The following SUPT3H variants were observed in gnomAD, a reference collection of about 807,000 sequenced individuals.
SUPT3H encodes the protein transcription initiation protein SPT3 homolog.
A neutral mutation model predicts 44.3 loss-of-function variants in SUPT3H; 44 were observed. The ratio of observed to expected loss-of-function variants is 0.99; its 90% CI spans 0.78 to 1.28. The LOEUF is 1.28. SUPT3H is among the 50% of genes most tolerant of loss of function. The probability of loss-of-function intolerance (pLI) is 0.00; values close to 1 mark genes in which losing one functional copy is unlikely to be tolerated. For missense variants in SUPT3H, 380 were observed against 387.1 expected, an observed-to-expected ratio of 0.98 and a Z score of 0.15; for synonymous variants, 124 against 125.6, an observed-to-expected ratio of 0.99 and a Z score of 0.09.
At chr6:45,285,579 C>G (rs2149827851) in intron 2 of SUPT3H, among the ~76,000 whole-genome samples, 1 of 152,036 alleles carries the variant, frequency 6.6e-6, no homozygotes, top group African/African-American at 2.4e-5. Context: ...AACCACTGCT[C>G]AATGAAATAA....
chr6:44,993,759 TAATTTCATA>T (rs1313259605), intron 6 of SUPT3H, among the ~76,000 whole-genome samples: 1 of 152,186 alleles, frequency 6.6e-6, no homozygotes, highest in Non-Finnish European at 1.5e-5. Context: ...CCCTTCAGAA[TAATTTCATA>T]AGTATTTTGA....
chr6:45,260,582 T>A (rs1236270245), intron 2 of SUPT3H, among the ~76,000 whole-genome samples: 1 of 152,008 alleles, frequency 6.6e-6, no homozygotes, highest in South Asian at 2.1e-4. Context: ...TCTCATAACA[T>A]AGATTATCTT....
chr6:45,128,939 G>A (rs1732625165), intron 2 of SUPT3H, among the ~76,000 whole-genome samples: 1 of 152,124 alleles, frequency 6.6e-6, no homozygotes, highest in African/African-American at 2.4e-5. Flanking sequence ...GCCTGCCTCG[G>A]CCTCCCAAAG....
chr6:45,126,135 T>C (rs933830484), intron 2 of SUPT3H, among the ~76,000 whole-genome samples: 7 of 152,184 alleles, frequency 4.6e-5, no homozygotes, highest in African/African-American at 1.4e-4. Flanking sequence ...ACTGAAAACT[T>C]GCACTAAACT....
intron 3 of SUPT3H, among the ~76,000 whole-genome samples, chr6:45,066,071 G>A (rs1793247020): frequency 7.6e-6 from 1 of 131,752 alleles, no homozygotes; most frequent in Non-Finnish European, 1.6e-5. Flanking sequence ...ATAAAATACT[G>A]GCAAAACGAA....
intron 2 of SUPT3H, among the ~76,000 whole-genome samples, chr6:45,187,555 C>T (rs1158212345): frequency 6.6e-6 from 1 of 152,110 alleles, no homozygotes; most frequent in African/African-American, 2.4e-5. Context: ...TTATACTGGC[C>T]TCAGCCATGA....
At chr6:44,815,668 A>C (rs1405745542) in intron 11 of SUPT3H, among the ~76,000 whole-genome samples, 1 of 152,126 alleles carries the variant, frequency 6.6e-6, no homozygotes, top group African/African-American at 2.4e-5. Flanking sequence ...ACAGAACTTC[A>C]AAATATACTA....
At chr6:44,925,713 G>T (rs1207220447) in intron 10 of SUPT3H, among the ~76,000 whole-genome samples, 3 of 152,076 alleles carry the variant, frequency 2.0e-5, no homozygotes, top group Non-Finnish European at 4.4e-5. Flanking sequence ...TGACATAAGA[G>T]AACACTAGAC....
chr6:45,090,390 C>A (rs998392734), intron 3 of SUPT3H, among the ~76,000 whole-genome samples: 8 of 151,876 alleles, frequency 5.3e-5, no homozygotes, highest in African/African-American at 1.9e-4. Context: ...ACTTTCAGTT[C>A]CTGACTAGCA....
intron 2 of SUPT3H, among the ~76,000 whole-genome samples, chr6:45,270,645 G>A (rs1775970945): frequency 6.6e-6 from 1 of 152,200 alleles, no homozygotes; most frequent in South Asian, 2.1e-4. Context: ...TCTGGAGTAT[G>A]TCCTTATCAG....
At chr6:44,950,815 CTTGTT>C (rs201341088) in intron 9 of SUPT3H, among the ~76,000 whole-genome samples, 1,773 of 144,314 alleles carry the variant, frequency 0.012, 46 homozygotes, top group African/African-American at 0.042. Context: ...TTTTTTTCCT[CTTGTT>C]TTATTTTTTA....
chr6:44,962,500 A>G (rs995302871), intron 6 of SUPT3H, among the ~76,000 whole-genome samples: 2 of 151,956 alleles, frequency 1.3e-5, no homozygotes, highest in South Asian at 2.1e-4. Context: ...TGGTAAGGAG[A>G]GCATTTTGAA....
intron 2 of SUPT3H, among the ~76,000 whole-genome samples, chr6:45,325,496 A>G (rs1260297808): frequency 6.6e-6 from 1 of 151,876 alleles, no homozygotes; most frequent in East Asian, 1.9e-4. Context: ...TTTTCTTTGA[A>G]ATTGATTTCA....
At chr6:44,844,443 T>C (rs1431540187) in intron 10 of SUPT3H, among the ~76,000 whole-genome samples, 2 of 152,188 alleles carry the variant, frequency 1.3e-5, no homozygotes, top group Non-Finnish European at 2.9e-5. Context: ...TGAACATTTA[T>C]ATATTTTTAT....
At chr6:45,249,062 A>C (rs1771894931) in intron 2 of SUPT3H, among the ~76,000 whole-genome samples, 1 of 152,228 alleles carries the variant, frequency 6.6e-6, no homozygotes, top group South Asian at 2.1e-4. Flanking sequence ...TTTACCACTT[A>C]GAAACCACGT....
chr6:44,883,293 A>C (rs931896512), intron 10 of SUPT3H, among the ~76,000 whole-genome samples: 1 of 152,208 alleles, frequency 6.6e-6, no homozygotes, highest in Admixed American at 6.5e-5. Flanking sequence ...AAAGAGAATA[A>C]AATACCTAGG....
At chr6:44,876,666 T>G (rs559682767) in intron 10 of SUPT3H, among the ~76,000 whole-genome samples, 6 of 148,340 alleles carry the variant, frequency 4.0e-5, no homozygotes, top group Non-Finnish European at 9.0e-5. Flanking sequence ...AAAAAAAAAA[T>G]TAAAAAAAAA....
chr6:45,082,172 G>T (rs1795897941), intron 3 of SUPT3H, among the ~76,000 whole-genome samples: 4 of 151,942 alleles, frequency 2.6e-5, no homozygotes, highest in Admixed American at 2.6e-4. Flanking sequence ...ACCAGAAAAA[G>T]CCCCAGACCA....
intron 6 of SUPT3H, among the ~76,000 whole-genome samples, chr6:44,983,761 T>C (rs897566936): frequency 1.3e-5 from 2 of 152,212 alleles, no homozygotes; most frequent in African/African-American, 4.8e-5. Flanking sequence ...CCGTTTTTAT[T>C]GAAATGTTTT....
Sources: gnomAD v4.1 joint callset for allele counts (sites outside exome capture counted in the v4.1 genomes callset) on GRCh38, gnomAD v4.1.1 for gene constraint, MANE v1.5 for transcripts, NCBI Gene and HGNC (gene_info 2026-07-23, HGNC 2026-07-21) for gene names.